MBOAT1: variants seen among roughly 807,000 people sequenced by gnomAD.
MBOAT1 encodes the protein membrane-bound glycerophospholipid O-acyltransferase 1.
MBOAT1 carries 67 observed loss-of-function variants against 64.4 expected under a neutral mutation model. That is an observed-to-expected ratio of 1.04 (90% CI 0.85 to 1.27). MBOAT1 has a LOEUF of 1.27. MBOAT1 is among the 50% of genes most tolerant of loss of function. The pLI, the probability that MBOAT1 is intolerant of heterozygous loss-of-function variation, is 0.00. For synonymous variants in MBOAT1, 229 were observed against 218.9 expected (o/e 1.05, Z -0.41); for missense variants, 563 against 604.6 (o/e 0.93, Z 0.72).
chr6:20,175,112 T>G (rs1349721535), intron 1 of MBOAT1, among the ~76,000 whole-genome samples: 1 of 151,996 alleles, frequency 6.6e-6, no homozygotes, highest in Admixed American at 6.6e-5. Context: ...CCATTCTCTC[T>G]CCTAAGTGCT....
intron 1 of MBOAT1, among the ~76,000 whole-genome samples, chr6:20,169,936 T>C (rs1302606619): frequency 6.6e-6 from 1 of 152,176 alleles, no homozygotes; most frequent in Non-Finnish European, 1.5e-5. Context: ...TCATCGACTA[T>C]CTCCTTTCTT....
rs187352888 is a variant in MBOAT1 at position 20,099,931 on chromosome 6, A to T, written c.*2355T>A. The stretch of plus-strand genomic sequence containing the variant: ...CTCCTATGTGTTGTTCTTTTTATAC[A>T]GAATAAAGCCTCATGTTTGTGTCCC... On this transcript the variant is annotated 3_prime_UTR_variant, in exon 13 of 13. Transcript: ENST00000324607. Among the ~76,000 whole-genome samples, 1 of 152,348 alleles carries T rather than the reference A, an allele frequency of 6.6e-6. No individual in the cohort carries two copies. Among genetic ancestry groups the T allele is most frequent in the Admixed American group, 6.5e-5 (1 of 15,308 alleles).
At chr6:20,195,607 G>A (rs898277525) in intron 1 of MBOAT1, among the ~76,000 whole-genome samples, 14 of 41,398 alleles carry the variant, frequency 3.4e-4, no homozygotes, top group Middle Eastern at 9.8e-3. Context: ...TAAATTGCCT[G>A]TGTGTGTGTG....
chr6:20,158,791 A>C (rs1029136553), intron 1 of MBOAT1, among the ~76,000 whole-genome samples: 1 of 152,242 alleles, frequency 6.6e-6, no homozygotes, highest in African/African-American at 2.4e-5. Context: ...GAAGACATAC[A>C]AATGGCCAGC....
At chr6:20,145,916 G>A (rs1267324649) in intron 3 of MBOAT1, among the ~76,000 whole-genome samples, 1 of 152,092 alleles carries the variant, frequency 6.6e-6, no homozygotes, top group South Asian at 2.1e-4. Context: ...CCCATCCCCA[G>A]CACAATTCAT....
chr6:20,158,270 T>C (rs950190427), intron 1 of MBOAT1, among the ~76,000 whole-genome samples: 2 of 151,964 alleles, frequency 1.3e-5, no homozygotes, highest in Non-Finnish European at 2.9e-5. Flanking sequence ...CAAATAAGCC[T>C]ACTCTTCTAT....
intron 11 of MBOAT1, among the ~76,000 whole-genome samples, chr6:20,111,883 T>TATATACGTATATATATAC (rs1554115586): frequency 7.1e-6 from 1 of 140,232 alleles, no homozygotes; most frequent in African/African-American, 2.7e-5. Flanking sequence ...TATATATGTA[T>TATATACGTATATATATAC]ATATATATAT....
Position 20,124,543 on chromosome 6 carries a change from G to T in MBOAT1, c.772C>A (p.Leu258Ile). ...CAGGTGACAGGAAAGGTCTTCGTTA[G>T]CGTCAAAAACAAAAGGAGAGACACC... ...TLVSLLLFLT[L>I]TKTFPVTCLV... Residue 258 changes from leucine to isoleucine, a missense_variant, in exon 8 of 13, where the codon CTA becomes ATA. Coordinates refer to ENST00000324607, the MANE Select transcript of MBOAT1 (RefSeq NM_001080480.3). The T allele has an allele frequency of 6.2e-7, 1 of 1,614,194 alleles. No homozygotes were observed. The highest frequency in any genetic ancestry group is 8.5e-7 in the Non-Finnish European group (1 of 1,180,040).
chr6:20,112,957 C>A lies in MBOAT1; in HGVS notation c.1128G>T (p.Leu376=). Residue 376 remains leucine (L), a synonymous_variant, in exon 11 of 13, where the codon CTG becomes CTT. Transcript: ENST00000324607. ...GGTAGACACCATGCCACAAAGCAGA[C>A]AGGATGAAGGTTAGCACCGTGGGGT... ...PWYPTVLTFI[L]SALWHGVYPG... is the part of the protein sequence containing the mutation. 1.9e-6 allele frequency: 3 copies of A among 1,614,084 alleles called. No individual in the cohort carries two copies. The highest frequency in any genetic ancestry group is 2.2e-5 in the East Asian group (1 of 44,868).
At chr6:20,131,437 ACT>A (rs1289738517) in intron 4 of MBOAT1, among the ~76,000 whole-genome samples, 5 of 151,590 alleles carry the variant, frequency 3.3e-5, no homozygotes, top group Admixed American at 6.6e-5. Context: ...CTCTCCCTTC[ACT>A]CTGCAGTTCT....
At chr6:20,126,847 G>A (rs1341379386) in intron 6 of MBOAT1, 147 bp from the exon 7 acceptor site, 2 of 686,892 alleles carry the variant, frequency 2.9e-6, no homozygotes, top group Non-Finnish European at 4.8e-6. Context: ...GTCAGCCGAG[G>A]AGAAATCTTG....
At chr6:20,113,096 A>AT in intron 10 of MBOAT1, 88 bp from the exon 11 acceptor site, 1 of 1,489,956 alleles carries the variant, frequency 6.7e-7, no homozygotes, top group Non-Finnish European at 9.0e-7. Flanking sequence ...GACCATGCAG[A>AT]AAGCATTTGG....
At chr6:20,154,790 A>T (rs1045209030) in intron 1 of MBOAT1, among the ~76,000 whole-genome samples, 3 of 152,186 alleles carry the variant, frequency 2.0e-5, no homozygotes, top group African/African-American at 7.2e-5. Flanking sequence ...CAAGACTCAC[A>T]TTCCCTAAGA....
intron 8 of MBOAT1, among the ~76,000 whole-genome samples, chr6:20,120,578 AGAATCACTT>A: frequency 6.6e-6 from 1 of 152,276 alleles, no homozygotes; most frequent in South Asian, 2.1e-4. Context: ...CTGAGGCAGG[AGAATCACTT>A]GAACCCAGGA....
Position 20,153,325 on chromosome 6 carries a change from C to T in MBOAT1, c.100-556G>A, listed in dbSNP as rs2457319. On this transcript the variant is annotated intron_variant, in intron 1 of 12. Coordinates refer to ENST00000324607, the MANE Select transcript of MBOAT1 (RefSeq NM_001080480.3). ...TTAAGACTGGCCAAGGTTGCTTTCC[C>T]ACCCACAAGCAGGGGGCTTTTCATG... Among the ~76,000 whole-genome samples the T allele has an allele frequency of 3.8e-3, 577 of 152,264 alleles. 6 individuals are homozygous for T. Among genetic ancestry groups the T allele is most frequent in the African/African-American group, 0.012 (504 of 41,542 alleles).
chr6:20,182,801 T>G (rs1762546011), intron 1 of MBOAT1, among the ~76,000 whole-genome samples: 1 of 152,186 alleles, frequency 6.6e-6, no homozygotes, highest in Non-Finnish European at 1.5e-5. Context: ...CCATTTTAGC[T>G]TTCTCCACAT....
intron 8 of MBOAT1, among the ~76,000 whole-genome samples, chr6:20,123,383 A>C (rs1481224780): frequency 6.6e-6 from 1 of 152,196 alleles, no homozygotes; most frequent in East Asian, 1.9e-4. Flanking sequence ...CCCATCCCTG[A>C]AAGGGTTCCA....
chr6:20,169,570 A>G (rs1762130739), intron 1 of MBOAT1, among the ~76,000 whole-genome samples: 1 of 151,922 alleles, frequency 6.6e-6, no homozygotes, highest in South Asian at 2.1e-4. Context: ...GGAAACTCTG[A>G]TGTGGACCAA....
At chr6:20,113,661 C>T (rs1760238689) in intron 10 of MBOAT1, among the ~76,000 whole-genome samples, 3 of 151,854 alleles carry the variant, frequency 2.0e-5, no homozygotes, top group African/African-American at 7.3e-5. Context: ...CAGCAAATAC[C>T]CTGAGGGTTT....
Sources: allele counts gnomAD v4.1 joint callset (sites outside exome capture counted in the v4.1 genomes callset), GRCh38; gene constraint gnomAD v4.1.1; transcripts MANE v1.5; gene names NCBI Gene and HGNC (gene_info 2026-07-23, HGNC 2026-07-21).